Variants in PREX1 observed in about 807,000 individuals in gnomAD.
The protein encoded by PREX1 is phosphatidylinositol 3,4,5-trisphosphate-dependent Rac exchanger 1 protein.
PREX1 carries 41 observed loss-of-function variants against 198.3 expected under a neutral mutation model. That is an observed-to-expected ratio of 0.21 (90% CI 0.16 to 0.27). The LOEUF (loss-of-function observed/expected upper bound fraction) is 0.27. PREX1 is among the 10% of genes least tolerant of loss of function. PREX1 has a pLI of 1.00. For missense variants in PREX1, 1,620 were observed against 2,200.7 expected, an observed-to-expected ratio of 0.74 and a Z score of 5.28; for synonymous variants, 843 against 887.2, an observed-to-expected ratio of 0.95 and a Z score of 0.89.
chr20:48,842,319 C>T, the PREX1 span, among the ~76,000 whole-genome samples: 2 of 152,138 alleles, frequency 1.3e-5, no homozygotes, highest in Non-Finnish European at 2.9e-5. Flanking sequence ...TTTCGGAAAG[C>T]CTTGATTAAT....
chr20:48,767,340 G>A (rs1393059182), intron 1 of PREX1, among the ~76,000 whole-genome samples: 7 of 152,132 alleles, frequency 4.6e-5, no homozygotes, highest in Admixed American at 4.6e-4. Flanking sequence ...CAGAGCCCCC[G>A]AGGAGGGAGG....
chr20:48,814,740 G>A (rs2090452507), intron 1 of PREX1, among the ~76,000 whole-genome samples: 1 of 152,212 alleles, frequency 6.6e-6, no homozygotes, highest in Non-Finnish European at 1.5e-5. Flanking sequence ...TCCTTGTGCT[G>A]TTAATGTCCG....
chr20:48,729,612 C>T (rs2122710909), intron 4 of PREX1, among the ~76,000 whole-genome samples: 1 of 152,234 alleles, frequency 6.6e-6, no homozygotes, highest in South Asian at 2.1e-4. Flanking sequence ...GGCCCAAAAC[C>T]CTAAAGTCAT....
intron 3 of PREX1, among the ~76,000 whole-genome samples, chr20:48,743,068 C>G (rs1229766929): frequency 6.6e-6 from 1 of 152,196 alleles, no homozygotes; most frequent in Non-Finnish European, 1.5e-5. Flanking sequence ...TGACACGCGG[C>G]ATTAGCTTGG....
the PREX1 span, among the ~76,000 whole-genome samples, chr20:48,850,642 G>A: frequency 6.6e-6 from 1 of 152,106 alleles, no homozygotes; most frequent in African/African-American, 2.4e-5. Flanking sequence ...GAAGCTCTGA[G>A]CAGGTTTAAG....
chr20:48,857,325 G>A, the PREX1 span, among the ~76,000 whole-genome samples: 41 of 152,284 alleles, frequency 2.7e-4, no homozygotes, highest in African/African-American at 8.7e-4. Context: ...ACTATAAACC[G>A]GTATAAGATA....
At chr20:48,711,323 C>T (rs190247140) in intron 5 of PREX1, among the ~76,000 whole-genome samples, 3 of 152,246 alleles carry the variant, frequency 2.0e-5, no homozygotes, top group Admixed American at 6.5e-5. Context: ...AATATAAGAC[C>T]GTGATCTTAT....
intron 4 of PREX1, among the ~76,000 whole-genome samples, chr20:48,730,966 A>G (rs745854500): frequency 1.8e-4 from 27 of 152,224 alleles, no homozygotes; most frequent in Non-Finnish European, 3.1e-4. Context: ...ATTACATTCC[A>G]GCCTGGGTGA....
At chr20:48,811,948 G>A (rs11908637) in intron 1 of PREX1, among the ~76,000 whole-genome samples, 25,702 of 152,218 alleles carry the variant, frequency 0.17, 2,792 homozygotes, top group Non-Finnish European at 0.23. Flanking sequence ...CTCAACCGCA[G>A]ACCCACTTGG....
the PREX1 span, among the ~76,000 whole-genome samples, chr20:48,866,235 A>G: frequency 6.6e-6 from 1 of 152,132 alleles, no homozygotes; most frequent in Non-Finnish European, 1.5e-5. Flanking sequence ...GCATGTTTTA[A>G]TGTTTTTTAA....
intron 1 of PREX1, among the ~76,000 whole-genome samples, chr20:48,805,467 C>A (rs2090407725): frequency 6.6e-6 from 1 of 152,248 alleles, no homozygotes; most frequent in Non-Finnish European, 1.5e-5. Context: ...CTCCACCCTA[C>A]CTTCTGCGGC....
chr20:48,645,478 T>C (rs1444400626), intron 26 of PREX1, among the ~76,000 whole-genome samples: 1 of 152,216 alleles, frequency 6.6e-6, no homozygotes, highest in Non-Finnish European at 1.5e-5. Flanking sequence ...TCTTCCTCCT[T>C]GGACCAAATA....
At chr20:48,809,159 G>A (rs1054255633) in intron 1 of PREX1, among the ~76,000 whole-genome samples, 1 of 152,228 alleles carries the variant, frequency 6.6e-6, no homozygotes, top group Non-Finnish European at 1.5e-5. Context: ...GACATCCACA[G>A]GGAGAGCTGG....
chr20:48,749,678 G>A (rs1223436857), intron 1 of PREX1, among the ~76,000 whole-genome samples: 2 of 152,288 alleles, frequency 1.3e-5, no homozygotes, highest in African/African-American at 4.8e-5. Flanking sequence ...TCCACATGGC[G>A]AGTCACAGAG....
the PREX1 span, among the ~76,000 whole-genome samples, chr20:48,871,730 C>A: frequency 8.7e-6 from 1 of 115,580 alleles, no homozygotes; most frequent in Non-Finnish European, 1.8e-5. Context: ...GTTTTCTTAA[C>A]TATAATATGG....
In PREX1 at chr20:48,666,011, T is replaced by TC. The variant is rs1002548921; in HGVS notation, c.1738+271dup. 1.8e-4 allele frequency among the ~76,000 whole-genome samples: 28 copies of TC among 151,654 alleles called. No individual in the cohort carries two copies. The highest frequency in any genetic ancestry group is 2.7e-4 in the African/African-American group (11 of 41,204). ...TTGCTGCCTACCCTGGAAGGCCACA[T>TC]CCCCCCCAGGAAGAAGGGCACAGGA... On this transcript the variant is annotated intron_variant, in intron 15 of 39. Coordinates refer to ENST00000371941, the MANE Select transcript of PREX1 (RefSeq NM_020820.4). The surrounding 1 kb of genome is among the most constrained non-coding windows in gnomAD (Gnocchi z 4.3).
intron 1 of PREX1, among the ~76,000 whole-genome samples, chr20:48,749,035 G>C (rs370439376): frequency 9.2e-5 from 14 of 152,264 alleles, no homozygotes; most frequent in African/African-American, 3.1e-4. Context: ...GGGTAGAAAA[G>C]TGGCAGAAAG....
rs371859783 is a variant in PREX1 at position 48,803,208 on chromosome 20, C to T, written c.219+24434G>A. On this transcript the variant is annotated intron_variant, in intron 1 of 39. Transcript: ENST00000371941. Reference sequence around the variant, plus strand: ...AACCAAAAGGCTCACGGCAGGCCCACGAGGCCAATCTCATGCAAAACATGG... The same window carrying T: ...AACCAAAAGGCTCACGGCAGGCCCATGAGGCCAATCTCATGCAAAACATGG... Among the ~76,000 whole-genome samples the T allele has an allele frequency of 2.3e-4, 35 of 152,288 alleles. No individual in the cohort carries two copies. In the East Asian group the frequency reaches 6.0e-3, roughly 26 times the overall value.
chr20:48,832,404 A>C (rs1396239132), upstream of PREX1, among the ~76,000 whole-genome samples: 1 of 152,186 alleles, frequency 6.6e-6, no homozygotes, highest in Admixed American at 6.5e-5. Flanking sequence ...AATTAAGTTA[A>C]AGCAAGGAAA....
Sources: allele counts gnomAD v4.1 joint callset (sites outside exome capture counted in the v4.1 genomes callset), GRCh38; gene constraint gnomAD v4.1.1; non-coding constraint Gnocchi (gnomAD v3.1); transcripts MANE v1.5; gene names NCBI Gene and HGNC (gene_info 2026-07-23, HGNC 2026-07-21).